Variants in KISS1 observed in about 807,000 individuals in gnomAD.
KISS1 encodes metastasis-suppressor KiSS-1.
For missense variants in KISS1, 182 were observed against 182.7 expected, an observed-to-expected ratio of 1.00 and a Z score of 0.02; for synonymous variants, 97 against 88.7, an observed-to-expected ratio of 1.09 and a Z score of -0.52.
intron 1 of KISS1, among the ~76,000 whole-genome samples, chr1:204,194,526 G>A (rs1658800816): frequency 6.6e-6 from 1 of 152,188 alleles, no homozygotes; most frequent in Non-Finnish European, 1.5e-5. Flanking sequence ...TAGGTGCTAG[G>A]GGTGCACAGG....
Position 204,190,661 on chromosome 1 carries a change from G to A in KISS1, c.240C>T (p.Ser80=), listed in dbSNP as rs998730842. ...GGGCGGACAGGCCCGGCTGCTGGGG[G>A]CTCCCGGAGCTCTCGGGGGGCGGGG... The part of the protein sequence containing the change: ...SLSPPPESSG[S]PQQPGLSAPH... The change falls in exon 3 of 3, where the codon AGC becomes AGT. Residue 80 remains serine, a synonymous_variant. Coordinates refer to ENST00000367194, the MANE Select transcript of KISS1 (RefSeq NM_002256.4). The A allele has an allele frequency of 1.6e-5, 26 of 1,585,476 alleles. No homozygotes were observed. The African/African-American group carries it at 2.3e-4, about 14-fold the overall frequency.
In KISS1 at chr1:204,192,396, T is replaced by G; in HGVS notation, c.103+378A>C. Among the ~76,000 whole-genome samples the G allele has an allele frequency of 6.6e-6, 1 of 151,938 alleles. No homozygotes were observed. Reference sequence around the variant, plus strand: ...AATATCTGCCCTTTGGTTTAGGTTTTTTTTTTTTTCCAAATTCTCCACAAA... The same window carrying G: ...AATATCTGCCCTTTGGTTTAGGTTTGTTTTTTTTTCCAAATTCTCCACAAA... On this transcript the variant is annotated intron_variant, in intron 2 of 2. Coordinates refer to ENST00000367194, the MANE Select transcript of KISS1 (RefSeq NM_002256.4). The surrounding 1 kb of genome is among the most constrained non-coding windows in gnomAD (Gnocchi z 4.2).
rs532969667 is a variant in KISS1 at position 204,192,774 on chromosome 1, C to T, written c.103G>A (p.Gly35Ser). Residue 35 changes from glycine (G) to serine (S), a missense_variant and splice_region_variant, in exon 2 of 3, where the codon GGC becomes AGC. Gly to Ser is a moderately conservative substitution (Grantham distance 56, BLOSUM62 0). Transcript: ENST00000367194. The surrounding 1 kb of genome is among the most constrained non-coding windows in gnomAD (Gnocchi z 4.2). Reference protein sequence around the residue: ...VASVGNSRPTGQQLESLGLLA... With the variant: ...VASVGNSRPTSQQLESLGLLA... ...ACTCCTTTCCCCAGAGGATACATACCTGTGGGTCTAGAATTCCCCACAGAG... is the reference window on the plus strand; with the variant it reads ...ACTCCTTTCCCCAGAGGATACATACTTGTGGGTCTAGAATTCCCCACAGAG... The T allele has an allele frequency of 2.7e-5, 42 of 1,581,744 alleles. No homozygotes were observed. Among genetic ancestry groups the T allele is most frequent in the Admixed American group, 5.2e-5 (3 of 57,300 alleles).
At chr1:204,193,817 C>A (rs1357456638) in intron 1 of KISS1, among the ~76,000 whole-genome samples, 2 of 152,132 alleles carry the variant, frequency 1.3e-5, no homozygotes. Context: ...ACCCCACATA[C>A]CCCACCCTAC....
intron 1 of KISS1, among the ~76,000 whole-genome samples, chr1:204,195,182 A>ACACATATACGCATACACC (rs1558254492): frequency 3.9e-4 from 1 of 2,560 alleles, no homozygotes; most frequent in Non-Finnish European, 9.2e-4. Flanking sequence ...CACACACCAC[A>ACACATATACGCATACACC]CATGCACACA....
rs533761480 is a variant in KISS1, at chr1:204,195,558, C to T, written c.-39+818G>A. On this transcript the variant is annotated intron_variant, in intron 1 of 2. Coordinates refer to ENST00000367194, the MANE Select transcript of KISS1 (RefSeq NM_002256.4). ...CCACACAGATATATACCCATACACCCGTACACATACACTACACACCACAGA... is the reference window on the plus strand; with the variant it reads ...CCACACAGATATATACCCATACACCTGTACACATACACTACACACCACAGA... Among the ~76,000 whole-genome samples, 4 of 150,316 alleles carry T rather than the reference C, an allele frequency of 2.7e-5. No homozygotes were observed. In the South Asian group the frequency reaches 8.6e-4, roughly 32 times the overall value.
In KISS1 at chr1:204,192,824, A is replaced by G. The variant is rs1290559687; in HGVS notation, c.53T>C (p.Phe18Ser). The G allele has an allele frequency of 1.3e-6, 2 of 1,599,866 alleles. No homozygotes were observed. The highest frequency in any genetic ancestry group is 1.7e-6 in the Non-Finnish European group (2 of 1,171,730). Reference sequence around the variant, plus strand: ...GGCCACCTTTTCTAATGGCTCCCCAAAGTGGGTGGCACAGAGGAAAAGCAG... The same window carrying G: ...GGCCACCTTTTCTAATGGCTCCCCAGAGTGGGTGGCACAGAGGAAAAGCAG... ...QLLLFLCATHFGEPLEKVASV... is the reference protein window; with the variant it reads ...QLLLFLCATHSGEPLEKVASV... Residue 18 changes from phenylalanine to serine, a missense_variant, in exon 2 of 3, where the codon TTT becomes TCT. Physicochemically the swap from Phe to Ser is radical, Grantham distance 155. Transcript: ENST00000367194. This position sits in a 1 kb window ranked among gnomAD's most constrained non-coding sequence, Gnocchi z 4.2.
In KISS1 at chr1:204,190,682, C is replaced by G; in HGVS notation, c.219G>C (p.Pro73=). Residue 73 remains proline (P), a synonymous_variant, in exon 3 of 3, where the codon CCG becomes CCC. Coordinates refer to ENST00000367194, the MANE Select transcript of KISS1 (RefSeq NM_002256.4). ...GGGGGCTCCCGGAGCTCTCGGGGGGCGGGGACAGCGAGGTCCCCCGACGGC... is the reference window on the plus strand; with the variant it reads ...GGGGGCTCCCGGAGCTCTCGGGGGGGGGGGACAGCGAGGTCCCCCGACGGC... ...RLSRRGTSLS[P]PPESSGSPQQ... The G allele has an allele frequency of 1.3e-6, 2 of 1,592,292 alleles. No homozygotes were observed. Among genetic ancestry groups the G allele is most frequent in the Non-Finnish European group, 1.7e-6 (2 of 1,170,386 alleles).
chr1:204,195,715 T>TCACACACA (rs36226771), intron 1 of KISS1, among the ~76,000 whole-genome samples: 9 of 144,824 alleles, frequency 6.2e-5, no homozygotes, highest in African/African-American at 1.8e-4. Context: ...TACACACATA[T>TCACACACA]CACACACACA....
rs979204065 is a variant in KISS1 at position 204,193,902 on chromosome 1, T to C, written c.-38-988A>G. 4.2e-4 allele frequency among the ~76,000 whole-genome samples: 64 copies of C among 152,044 alleles called. 1 individual carries two copies. The highest frequency in any genetic ancestry group is 1.2e-4 in the Non-Finnish European group (8 of 68,008). ...TTTGAGACTGTCCAACAAACACGAT[T>C]AAAGACAAAAGGCTGGGGAGGCAGG... On this transcript the variant is annotated intron_variant, in intron 1 of 2. Transcript: ENST00000367194.
rs1658725447 is a variant in KISS1, at chr1:204,190,755, T to C, written c.146A>G (p.Gln49Arg). ...CTTCCTCTCGGTGCACGGCAGGCTC[T>C]GCTCCCCGGGGGCCAGGAGGCCCAG... ...ESLGLLAPGE[Q>R]SLPCTERKPA... Residue 49 changes from glutamine (Q) to arginine (R), a missense_variant, in exon 3 of 3, where the codon CAG (glutamine) becomes CGG (arginine). Coordinates refer to ENST00000367194, the MANE Select transcript of KISS1 (RefSeq NM_002256.4). The C allele has an allele frequency of 1.9e-6, 3 of 1,611,250 alleles. No individual in the cohort carries two copies. The highest frequency in any genetic ancestry group is 1.3e-5 in the African/African-American group (1 of 74,832).
rs1391609080 is a variant in KISS1 at position 204,192,189 on chromosome 1, G to A, written c.103+585C>T. Among the ~76,000 whole-genome samples, 1 of 152,044 alleles carries A rather than the reference G, an allele frequency of 6.6e-6. No homozygotes were observed. Among genetic ancestry groups the A allele is most frequent in the Non-Finnish European group, 1.5e-5 (1 of 68,000 alleles). On this transcript the variant is annotated intron_variant, in intron 2 of 2. Coordinates refer to ENST00000367194, the MANE Select transcript of KISS1 (RefSeq NM_002256.4). This position sits in a 1 kb window ranked among gnomAD's most constrained non-coding sequence, Gnocchi z 4.2. Reference sequence around the variant, plus strand: ...AGCTCCTGACTTGGGGACTAGTATTGTTCTAGCTTGTGCCACTCACCAGAC... The same window carrying A: ...AGCTCCTGACTTGGGGACTAGTATTATTCTAGCTTGTGCCACTCACCAGAC...
chr1:204,196,201 C>T (rs1658854595), intron 1 of KISS1, among the ~76,000 whole-genome samples, 175 bp downstream of exon 1: 1 of 152,228 alleles, frequency 6.6e-6, no homozygotes, highest in South Asian at 2.1e-4. Flanking sequence ...TTCGCCCAGG[C>T]ATCCCAGGAT....
intron 2 of KISS1, among the ~76,000 whole-genome samples, chr1:204,191,948 A>G (rs1658750355): frequency 6.6e-6 from 1 of 152,208 alleles, no homozygotes; most frequent in Non-Finnish European, 1.5e-5. Flanking sequence ...CTCACCCAGA[A>G]AAACGCCTGA....
rs748165435 is a variant in KISS1 at position 204,190,752 on chromosome 1, C to T, written c.149G>A (p.Ser50Asn). The change falls in exon 3 of 3, where the codon AGC becomes AAC. Residue 50 changes from serine (S) to asparagine (N), a missense_variant. Physicochemically the swap from Ser to Asn is conservative, Grantham distance 46. Coordinates refer to ENST00000367194, the MANE Select transcript of KISS1 (RefSeq NM_002256.4). ...TGGCTTCCTCTCGGTGCACGGCAGGCTCTGCTCCCCGGGGGCCAGGAGGCC... is the reference window on the plus strand; with the variant it reads ...TGGCTTCCTCTCGGTGCACGGCAGGTTCTGCTCCCCGGGGGCCAGGAGGCC... ...SLGLLAPGEQ[S>N]LPCTERKPAA... is the part of the protein sequence containing the mutation. 2.4e-5 allele frequency: 38 copies of T among 1,611,146 alleles called. No homozygotes were observed. The highest frequency in any genetic ancestry group is 3.0e-5 in the Non-Finnish European group (35 of 1,179,542).
Position 204,190,511 on chromosome 1 carries a change from G to A in KISS1, c.390C>T (p.Asn130=), listed in dbSNP as rs775027013. The part of the protein sequence containing the change: ...RFGKREAAPG[N]HGRSAGRG ...AGCCCCGCCCAGCGCTTCTGCCGTG[G>A]TTCCCTGGTGCCGCCTCCCGCTTGC... is the stretch of plus-strand genomic sequence containing the variant. Residue 130 remains asparagine, a synonymous_variant, in exon 3 of 3, where the codon AAC becomes AAT. Coordinates refer to ENST00000367194, the MANE Select transcript of KISS1 (RefSeq NM_002256.4). 1.2e-6 allele frequency: 2 copies of A among 1,606,256 alleles called. No individual in the cohort carries two copies. The highest frequency in any genetic ancestry group is 3.4e-5 in the Admixed American group (2 of 59,692).
intron 1 of KISS1, among the ~76,000 whole-genome samples, chr1:204,196,000 G>C (rs184722453): frequency 5.9e-5 from 9 of 152,234 alleles, no homozygotes; most frequent in African/African-American, 2.2e-4. Context: ...TCTGTAATTT[G>C]GGGGGAGCTG....
rs1295026631 is a variant in KISS1 at position 204,190,446 on chromosome 1, C to T, written c.*38G>A. On this transcript the variant is annotated 3_prime_UTR_variant, in exon 3 of 3. Coordinates refer to ENST00000367194, the MANE Select transcript of KISS1 (RefSeq NM_002256.4). ...GCCCCCGCCCCGCATGCTCTGACTC[C>T]TTTGGGGTCTGAAGTTCACTGCCCC... is the stretch of plus-strand genomic sequence containing the variant. 18 of 1,234,558 alleles carry T rather than the reference C, an allele frequency of 1.5e-5. No homozygotes were observed. The highest frequency in any genetic ancestry group is 1.9e-5 in the Non-Finnish European group (17 of 878,824). The allele number at this position is 1,234,558 out of a possible 1,614,324, so 76.5% of individuals were successfully genotyped here.
rs1291808613 is a variant in KISS1 at position 204,192,394 on chromosome 1, T to G, written c.103+380A>C. On this transcript the variant is annotated intron_variant, in intron 2 of 2. Transcript: ENST00000367194. This position sits in a 1 kb window ranked among gnomAD's most constrained non-coding sequence, Gnocchi z 4.2. ...CAAATATCTGCCCTTTGGTTTAGGT[T>G]TTTTTTTTTTTCCAAATTCTCCACA... Among the ~76,000 whole-genome samples, 3 of 148,708 alleles carry G rather than the reference T, an allele frequency of 2.0e-5. No individual in the cohort carries two copies. Among genetic ancestry groups the G allele is most frequent in the African/African-American group, 5.0e-5 (2 of 39,672 alleles).
Sources: allele counts gnomAD v4.1 joint callset (sites outside exome capture counted in the v4.1 genomes callset), GRCh38; gene constraint gnomAD v4.1.1; non-coding constraint Gnocchi (gnomAD v3.1); transcripts MANE v1.5; gene names NCBI Gene and HGNC (gene_info 2026-07-23, HGNC 2026-07-21).